The following SPOCK3 variants were observed in gnomAD, a reference collection of about 807,000 sequenced individuals.
SPOCK3 encodes SPARC (osteonectin), cwcv and kazal like domains proteoglycan 3.
SPOCK3 carries 30 observed loss-of-function variants against 56.6 expected under a neutral mutation model. The ratio of observed to expected loss-of-function variants is 0.53; its 90% CI spans 0.40 to 0.72. The LOEUF is 0.72. Ranked by LOEUF, SPOCK3 falls within the 30% of genes least tolerant of loss-of-function variation. The pLI, the probability that SPOCK3 is intolerant of heterozygous loss-of-function variation, is 0.00. For synonymous variants in SPOCK3, 196 were observed against 183.3 expected (o/e 1.07, Z -0.56); for missense variants, 527 against 530.0 (o/e 0.99, Z 0.06).
intron 4 of SPOCK3, among the ~76,000 whole-genome samples, chr4:166,970,585 G>A (rs993644357): frequency 2.0e-5 from 3 of 152,054 alleles, no homozygotes; most frequent in East Asian, 1.9e-4. Flanking sequence ...TTAGCCAGGC[G>A]AGGTAGGTGT....
At chr4:166,934,882 A>C (rs1340566738) in intron 4 of SPOCK3, among the ~76,000 whole-genome samples, 3 of 151,972 alleles carry the variant, frequency 2.0e-5, no homozygotes, top group Non-Finnish European at 4.4e-5. Context: ...ACTTTTATAT[A>C]GAAAGCTAAA....
chr4:166,762,221 G>C (rs1737337450), intron 7 of SPOCK3, among the ~76,000 whole-genome samples: 1 of 152,022 alleles, frequency 6.6e-6, no homozygotes, highest in South Asian at 2.1e-4. Flanking sequence ...CTTGGTTCTG[G>C]AAATGTAAGG....
chr4:166,744,234 G>A (rs202163939), intron 8 of SPOCK3, among the ~76,000 whole-genome samples: 5 of 152,064 alleles, frequency 3.3e-5, no homozygotes, highest in East Asian at 1.9e-4. Context: ...TCATACAGCC[G>A]AGTGCCCCTC....
chr4:166,950,799 C>T (rs1220544552), intron 4 of SPOCK3, among the ~76,000 whole-genome samples: 1 of 149,734 alleles, frequency 6.7e-6, no homozygotes, highest in Non-Finnish European at 1.5e-5. Flanking sequence ...AACCGCTCAA[C>T]TACATGGAAA....
intron 3 of SPOCK3, among the ~76,000 whole-genome samples, chr4:167,053,929 G>C (rs558487442): frequency 1.3e-4 from 20 of 151,936 alleles, no homozygotes; most frequent in Non-Finnish European, 2.9e-4. Flanking sequence ...AAACGGGTTC[G>C]TTCTTATATC....
At chr4:166,818,424 C>G (rs566562062) in intron 6 of SPOCK3, among the ~76,000 whole-genome samples, 5 of 151,988 alleles carry the variant, frequency 3.3e-5, no homozygotes, top group Non-Finnish European at 7.4e-5. Flanking sequence ...ATAGTAAAAA[C>G]ATTTTGATGA....
intron 6 of SPOCK3, among the ~76,000 whole-genome samples, chr4:166,864,745 C>T (rs1219809944): frequency 2.6e-5 from 4 of 151,986 alleles, no homozygotes; most frequent in African/African-American, 9.7e-5. Flanking sequence ...GAAGTCAAAT[C>T]CCTGAATAGA....
At position 166,771,453 on chromosome 4, in the gene SPOCK3, T is replaced by TA. The variant is rs1385208094; in HGVS notation, c.710-16725dup. ...TGTGCACATTAAGGCCTAGGTATAT[T>TA]AAAAACAAACAAAGCAAGGTAGTGG... On this transcript the variant is annotated intron_variant, in intron 7 of 10. Transcript: ENST00000357545. Among the ~76,000 whole-genome samples the TA allele has an allele frequency of 1.4e-4, 22 of 152,176 alleles. No homozygotes were observed. The East Asian group carries it at 4.2e-3, about 29-fold the overall frequency.
At chr4:166,959,859 CAT>C (rs762991470) in intron 4 of SPOCK3, among the ~76,000 whole-genome samples, 4 of 151,908 alleles carry the variant, frequency 2.6e-5, no homozygotes, top group African/African-American at 7.3e-5. Flanking sequence ...AATAAGTAAA[CAT>C]AGAATTTAAT....
At chr4:166,935,820 G>A (rs1050740426) in intron 4 of SPOCK3, among the ~76,000 whole-genome samples, 1 of 152,210 alleles carries the variant, frequency 6.6e-6, no homozygotes, top group South Asian at 2.1e-4. Flanking sequence ...AGTGATAGCA[G>A]TGGAGGTGAT....
chr4:167,119,143 A>AGGGGGGGGGGGGGGG (rs67854676), intron 2 of SPOCK3, among the ~76,000 whole-genome samples: 63 of 123,700 alleles, frequency 5.1e-4, no homozygotes, highest in South Asian at 7.8e-4. Flanking sequence ...GGGGTGGGGG[A>AGGGGGGGGGGGGGGG]GGGGGGGGAA....
At chr4:167,143,439 G>A (rs1183059833) in intron 2 of SPOCK3, among the ~76,000 whole-genome samples, 4 of 151,876 alleles carry the variant, frequency 2.6e-5, no homozygotes, top group African/African-American at 9.7e-5. Flanking sequence ...CAAAAGTTAA[G>A]CTCTTAACAC....
Position 167,220,493 on chromosome 4 carries a change from T to C in SPOCK3, c.189+13492A>G, listed in dbSNP as rs184878290. On this transcript the variant is annotated intron_variant, in intron 2 of 10. Transcript: ENST00000357545. ...TCCTGGATCAAGCAATCCTCCCACC[T>C]CAGCCTCTTGAATAGCTGGGACAAT... 1.6e-3 allele frequency among the ~76,000 whole-genome samples: 235 copies of C among 148,476 alleles called. 2 individuals carry two copies. Among genetic ancestry groups the C allele is most frequent in the South Asian group, 2.4e-3 (11 of 4,588 alleles).
At chr4:166,866,762 T>C (rs1001719861) in intron 6 of SPOCK3, among the ~76,000 whole-genome samples, 1 of 152,058 alleles carries the variant, frequency 6.6e-6, no homozygotes, top group African/African-American at 2.4e-5. Context: ...ATATTTCCAA[T>C]CAGAAATGAG....
In SPOCK3 at chr4:167,060,646, G is replaced by T. The variant is rs955765873; in HGVS notation, c.235+1846C>A. Reference sequence around the variant, plus strand: ...CTAAAAAATACTGTTTTAACATATAGAAATAAAGCTTTGTTCAAGTAAATG... The same window carrying T: ...CTAAAAAATACTGTTTTAACATATATAAATAAAGCTTTGTTCAAGTAAATG... On this transcript the variant is annotated intron_variant, in intron 3 of 10. Transcript: ENST00000357545. Among the ~76,000 whole-genome samples, 6 of 152,038 alleles carry T rather than the reference G, an allele frequency of 3.9e-5. No individual in the cohort carries two copies. The East Asian group carries it at 1.2e-3, about 29-fold the overall frequency.
chr4:166,902,385 C>T (rs1222518622), intron 5 of SPOCK3, among the ~76,000 whole-genome samples: 3 of 151,954 alleles, frequency 2.0e-5, no homozygotes, highest in African/African-American at 7.2e-5. Flanking sequence ...CTTGTGGAAT[C>T]ATGTATTTCA....
intron 2 of SPOCK3, among the ~76,000 whole-genome samples, chr4:167,209,670 A>T (rs1355660175): frequency 6.6e-6 from 1 of 152,170 alleles, no homozygotes; most frequent in Non-Finnish European, 1.5e-5. Context: ...GCCATTACAT[A>T]GAAGATCAAT....
chr4:167,050,764 G>A (rs1754125637), intron 3 of SPOCK3, among the ~76,000 whole-genome samples: 1 of 152,162 alleles, frequency 6.6e-6, no homozygotes, highest in Non-Finnish European at 1.5e-5. Flanking sequence ...GAGCCTTGAA[G>A]ACATTACACT....
At chr4:166,914,851 A>G (rs530639709) in intron 4 of SPOCK3, among the ~76,000 whole-genome samples, 30 of 152,308 alleles carry the variant, frequency 2.0e-4, no homozygotes, top group African/African-American at 7.2e-4. Flanking sequence ...ATGTACTTGT[A>G]AAATAGATTT....
Sources: allele counts gnomAD v4.1 joint callset (sites outside exome capture counted in the v4.1 genomes callset), GRCh38; gene constraint gnomAD v4.1.1; transcripts MANE v1.5; gene names NCBI Gene and HGNC (gene_info 2026-07-23, HGNC 2026-07-21).